Variants in KCTD20 observed in about 807,000 individuals in gnomAD.
KCTD20 encodes BTB/POZ domain-containing protein KCTD20.
Under a neutral mutation model 39.6 loss-of-function variants are expected in KCTD20, and 30 were observed. The ratio of observed to expected loss-of-function variants is 0.76; its 90% CI spans 0.57 to 1.03. The LOEUF (loss-of-function observed/expected upper bound fraction) is 1.03. Among genes scored for constraint, KCTD20 ranks in the 50% least tolerant of loss-of-function variants. The probability of loss-of-function intolerance (pLI) is 0.00; values close to 1 mark genes in which losing one functional copy is unlikely to be tolerated. For missense variants in KCTD20, 422 were observed against 522.0 expected (o/e 0.81, Z 1.87); for synonymous variants, 162 against 180.6 (o/e 0.90, Z 0.83).
intron 1 of KCTD20, among the ~76,000 whole-genome samples, chr6:36,466,909 C>G (rs1369499162): frequency 6.6e-6 from 1 of 152,064 alleles, no homozygotes; most frequent in Non-Finnish European, 1.5e-5. Context: ...TTTCATAAGT[C>G]AAGAGATTTT....
chr6:36,452,951 C>T (rs1225184170), intron 1 of KCTD20, among the ~76,000 whole-genome samples: 2 of 151,182 alleles, frequency 1.3e-5, no homozygotes, highest in East Asian at 3.9e-4. Context: ...GACATTACCA[C>T]CATTATTTCT....
In KCTD20 at chr6:36,469,663, C is replaced by CA. The variant is rs1412629034; in HGVS notation, c.-46-387dup. On this transcript the variant is annotated intron_variant, in intron 1 of 7. Coordinates refer to ENST00000373731, the MANE Select transcript of KCTD20 (RefSeq NM_173562.5). This position sits in a 1 kb window ranked among gnomAD's most constrained non-coding sequence, Gnocchi z 4.6. ...TTAATTGTTGCAACAGTGTATGTGT[C>CA]AATTTTAAAAAAACATAGGTTTTCT... is the stretch of plus-strand genomic sequence containing the variant. Among the ~76,000 whole-genome samples the CA allele has an allele frequency of 1.3e-5, 2 of 151,988 alleles. No homozygotes were observed. The highest frequency in any genetic ancestry group is 4.8e-5 in the African/African-American group (2 of 41,360).
In KCTD20 at chr6:36,469,391, T is replaced by C. The variant is rs765621659; in HGVS notation, c.-46-661T>C. 7.2e-5 allele frequency among the ~76,000 whole-genome samples: 11 copies of C among 152,158 alleles called. No homozygotes were observed. The highest frequency in any genetic ancestry group is 1.2e-4 in the Non-Finnish European group (8 of 68,026). On this transcript the variant is annotated intron_variant, in intron 1 of 7. Transcript: ENST00000373731. This position sits in a 1 kb window ranked among gnomAD's most constrained non-coding sequence, Gnocchi z 4.6. ...GGGGGTCTTGCACGTGGCAGTCACATAGTGTGTGTTGTTCATGGGGACTCT... is the reference window on the plus strand; with the variant it reads ...GGGGGTCTTGCACGTGGCAGTCACACAGTGTGTGTTGTTCATGGGGACTCT...
At chr6:36,452,541 C>CTTTTTTTT (rs57480327) in intron 1 of KCTD20, 4 of 126,892 alleles carry the variant, frequency 3.2e-5, no homozygotes, top group Admixed American at 7.9e-5. Flanking sequence ...TCTTCATTTT[C>CTTTTTTTT]TTTTTTTTTT....
intron 1 of KCTD20, 129 bp downstream of exon 1, chr6:36,443,240 C>G (rs1176036889): frequency 6.5e-6 from 1 of 152,694 alleles, no homozygotes; most frequent in Non-Finnish European, 1.5e-5. Context: ...GGTTCGGACC[C>G]CCGAGTCGAA....
Position 36,479,550 on chromosome 6 carries a change from T to C in KCTD20, c.538-41T>C, listed in dbSNP as rs112738738. ...AGGGATGAAGAAGTAATTTTTCATC[T>C]TGTTCTCTGCCTACATTTTTTCTTC... On this transcript the variant is annotated intron_variant, in intron 4 of 7. Transcript: ENST00000373731. 5 of 1,573,046 alleles carry C rather than the reference T, an allele frequency of 3.2e-6. No homozygotes were observed. The South Asian group carries it at 5.7e-5, about 18-fold the overall frequency.
intron 1 of KCTD20, chr6:36,451,390 TA>T (rs1335985528): frequency 2.0e-5 from 3 of 152,232 alleles, no homozygotes; most frequent in Admixed American, 2.0e-4. Context: ...ATTCTACAGT[TA>T]AGGGAGAATA....
chr6:36,477,051 C>T (rs1776084073), intron 3 of KCTD20, among the ~76,000 whole-genome samples: 1 of 152,150 alleles, frequency 6.6e-6, no homozygotes, highest in Non-Finnish European at 1.5e-5. Flanking sequence ...AGAGGAGAGT[C>T]TGGTTCTTTA....
intron 1 of KCTD20, among the ~76,000 whole-genome samples, chr6:36,450,715 T>C (rs543936119): frequency 6.6e-6 from 1 of 152,288 alleles, no homozygotes; most frequent in South Asian, 2.1e-4. Context: ...TACTGAATAA[T>C]GTGCTTGAAA....
chr6:36,468,568 T>C (rs915583821), intron 1 of KCTD20, among the ~76,000 whole-genome samples: 1 of 152,230 alleles, frequency 6.6e-6, no homozygotes, highest in Non-Finnish European at 1.5e-5. Context: ...TCCAATTCCA[T>C]GGACCTTGTT....
chr6:36,480,229 A>C (rs1776202364), intron 5 of KCTD20, among the ~76,000 whole-genome samples: 1 of 152,124 alleles, frequency 6.6e-6, no homozygotes, highest in Non-Finnish European at 1.5e-5. Flanking sequence ...AGACAAAGGA[A>C]AACAGATAGT....
rs1776255016 is a variant in KCTD20 at position 36,481,662 on chromosome 6, A to T, written c.759A>T (p.Lys253Asn). The T allele has an allele frequency of 6.2e-7, 1 of 1,614,228 alleles. No homozygotes were observed. The highest frequency in any genetic ancestry group is 2.2e-5 in the East Asian group (1 of 44,890). ...CCATCATGGTGGGCTGTGCCAAGAA[A>T]GGAGAACGAGAGTGCCACATTGTTG... ...ILPIMVGCAK[K>N]GERECHIVVL... Residue 253 changes from lysine to asparagine, a missense_variant, in exon 6 of 8, where the codon AAA becomes AAT. Transcript: ENST00000373731.
intron 5 of KCTD20, among the ~76,000 whole-genome samples, chr6:36,481,088 C>T (rs1776232104): frequency 6.6e-6 from 1 of 152,152 alleles, no homozygotes; most frequent in Non-Finnish European, 1.5e-5. Context: ...ATACATTTCC[C>T]TGCATGTTGC....
At chr6:36,481,881 A>G in intron 6 of KCTD20, 122 bp downstream of exon 6, 2 of 794,696 alleles carry the variant, frequency 2.5e-6, no homozygotes, top group Admixed American at 4.3e-5. Flanking sequence ...ACTCACCTGG[A>G]TGACAAATCC....
At chr6:36,470,299 A>G (rs375491580) in intron 2 of KCTD20, 42 bp downstream of exon 2, 6 of 1,543,262 alleles carry the variant, frequency 3.9e-6, no homozygotes, top group Non-Finnish European at 5.3e-6. Context: ...GGGCTTTCCA[A>G]TACTAGAGCA....
intron 1 of KCTD20, among the ~76,000 whole-genome samples, chr6:36,450,589 G>A (rs928889755): frequency 5.9e-5 from 9 of 151,816 alleles, no homozygotes; most frequent in Admixed American, 2.6e-4. Flanking sequence ...TCTTTTTCAC[G>A]TGACTGGCTT....
chr6:36,485,534 G>A (rs1349113059), intron 7 of KCTD20, among the ~76,000 whole-genome samples: 10 of 136,616 alleles, frequency 7.3e-5, no homozygotes, highest in African/African-American at 2.2e-4. Context: ...TCACTCTGTC[G>A]CCCAGGTGGA....
chr6:36,483,860 TAGTA>T (rs1163816366), intron 6 of KCTD20, among the ~76,000 whole-genome samples: 5 of 151,928 alleles, frequency 3.3e-5, no homozygotes, highest in African/African-American at 7.3e-5. Context: ...GCTACTTTCT[TAGTA>T]AGTAAAAAAA....
At position 36,484,808 on chromosome 6, in the gene KCTD20, T is replaced by G; in HGVS notation, c.951T>G (p.Ile317Met). The change falls in exon 7 of 8, where the codon ATT (isoleucine) becomes ATG (methionine). Residue 317 changes from isoleucine (I) to methionine (M), a missense_variant. Physicochemically the swap from Ile to Met is conservative, Grantham distance 10. Coordinates refer to ENST00000373731, the MANE Select transcript of KCTD20 (RefSeq NM_173562.5). The stretch of plus-strand genomic sequence containing the variant: ...TAAAGGAACGGGGCCTAAAAAACAT[T>G]CGCATTGGAATTGAAGGTAAAAAAA... ...TVLKERGLKN[I>M]RIGIEGYPTC... 1 of 1,584,170 alleles carries G rather than the reference T, an allele frequency of 6.3e-7. No individual in the cohort carries two copies. The highest frequency in any genetic ancestry group is 8.6e-7 in the Non-Finnish European group (1 of 1,158,388).
Sources: allele counts gnomAD v4.1 joint callset (sites outside exome capture counted in the v4.1 genomes callset), GRCh38; gene constraint gnomAD v4.1.1; non-coding constraint Gnocchi (gnomAD v3.1); transcripts MANE v1.5; gene names NCBI Gene and HGNC (gene_info 2026-07-23, HGNC 2026-07-21).